DLGAP1: variants seen among roughly 807,000 people sequenced by gnomAD.
The protein encoded by DLGAP1 is disks large-associated protein 1.
In DLGAP1, 11 loss-of-function variants were observed where a neutral mutation model predicts 90.8. The ratio of observed to expected loss-of-function variants is 0.12; its 90% CI spans 0.08 to 0.20. The LOEUF (loss-of-function observed/expected upper bound fraction) is 0.20, where lower values mean the gene tolerates loss of function less well. DLGAP1 is among the 10% of genes least tolerant of loss of function. DLGAP1 has a pLI of 1.00. For missense variants in DLGAP1, 1,050 were observed against 1,333.8 expected (o/e 0.79, Z 3.31); for synonymous variants, 558 against 540.7 (o/e 1.03, Z -0.44).
intron 10 of DLGAP1, among the ~76,000 whole-genome samples, chr18:3,523,697 AT>A (rs1437726704): frequency 2.0e-5 from 3 of 152,182 alleles, no homozygotes; most frequent in East Asian, 1.9e-4. Context: ...AATACAAAAA[AT>A]TAGCCAGGCG....
chr18:4,058,530 C>CT (rs1281793472), intron 2 of DLGAP1, among the ~76,000 whole-genome samples: 2 of 152,142 alleles, frequency 1.3e-5, no homozygotes, highest in Non-Finnish European at 2.9e-5. Flanking sequence ...TGCCTACTTG[C>CT]TTTTTTTGAA....
chr18:4,143,756 A>G (rs1197257385), intron 2 of DLGAP1, among the ~76,000 whole-genome samples: 1 of 152,084 alleles, frequency 6.6e-6, no homozygotes, highest in East Asian at 1.9e-4. Context: ...TCTGAGTCAC[A>G]ACCAAGGCCC....
chr18:3,639,811 G>A (rs796835322), intron 7 of DLGAP1, among the ~76,000 whole-genome samples: 22 of 137,668 alleles, frequency 1.6e-4, no homozygotes, highest in African/African-American at 5.7e-4. Flanking sequence ...CTGGAGTGCA[G>A]TGGCGCGATC....
At chr18:4,276,343 A>G (rs982415037) in intron 1 of DLGAP1, among the ~76,000 whole-genome samples, 7 of 152,086 alleles carry the variant, frequency 4.6e-5, no homozygotes, top group Admixed American at 2.6e-4. Context: ...AGGTTAAAAT[A>G]AGTTAAACAA....
At chr18:4,056,051 A>T (rs1378579084) in intron 2 of DLGAP1, among the ~76,000 whole-genome samples, 2 of 152,176 alleles carry the variant, frequency 1.3e-5, no homozygotes, top group Non-Finnish European at 2.9e-5. Flanking sequence ...TCTTCCCTTT[A>T]AAGATAGATA....
intron 1 of DLGAP1, among the ~76,000 whole-genome samples, chr18:4,329,952 T>A (rs1004054125): frequency 6.6e-6 from 1 of 152,094 alleles, no homozygotes; most frequent in Admixed American, 6.5e-5. Context: ...ATTGGAAATA[T>A]TTTTTGCCTG....
intron 2 of DLGAP1, among the ~76,000 whole-genome samples, chr18:4,080,763 T>C (rs1233514092): frequency 6.6e-6 from 1 of 152,174 alleles, no homozygotes; most frequent in Non-Finnish European, 1.5e-5. Context: ...CTATAGGCTG[T>C]TTTTGCTCAT....
intron 7 of DLGAP1, among the ~76,000 whole-genome samples, chr18:3,664,218 C>CCCACA (rs1555620387): frequency 2.2e-4 from 17 of 75,774 alleles, no homozygotes; most frequent in African/African-American, 9.9e-4. Context: ...ACACACACAC[C>CCCACA]CACACACACA....
chr18:3,846,336 AG>A (rs1256705694), intron 4 of DLGAP1, among the ~76,000 whole-genome samples: 2 of 152,232 alleles, frequency 1.3e-5, no homozygotes, highest in Non-Finnish European at 2.9e-5. Flanking sequence ...AATTAATAAA[AG>A]CACAGGTGCA....
At chr18:4,364,371 C>T (rs2081708720) in intron 1 of DLGAP1, among the ~76,000 whole-genome samples, 1 of 151,244 alleles carries the variant, frequency 6.6e-6, no homozygotes, top group Admixed American at 6.6e-5. Flanking sequence ...CTAACCTGCA[C>T]ATTGTGCACA....
chr18:3,740,812 CACT>C (rs2062870356), intron 6 of DLGAP1, among the ~76,000 whole-genome samples: 1 of 150,504 alleles, frequency 6.6e-6, no homozygotes, highest in Admixed American at 6.7e-5. Flanking sequence ...CCACCGCCAC[CACT>C]GTCACCATTG....
At chr18:4,182,097 C>G (rs1019458131) in intron 1 of DLGAP1, among the ~76,000 whole-genome samples, 2 of 152,032 alleles carry the variant, frequency 1.3e-5, no homozygotes. Context: ...TGAAGCTAGC[C>G]GTGGAAAAAG....
chr18:3,749,041 G>A (rs896448653), intron 5 of DLGAP1, among the ~76,000 whole-genome samples: 2 of 151,832 alleles, frequency 1.3e-5, no homozygotes, highest in African/African-American at 2.4e-5. Context: ...ACATAGTGTT[G>A]AAGGTAATTC....
At chr18:3,645,203 T>A (rs988635262) in intron 7 of DLGAP1, among the ~76,000 whole-genome samples, 1 of 152,024 alleles carries the variant, frequency 6.6e-6, no homozygotes, top group African/African-American at 2.4e-5. Context: ...GGTGAGAGGA[T>A]CACCTGAGCC....
At chr18:4,145,487 TC>T (rs2076569897) in intron 2 of DLGAP1, among the ~76,000 whole-genome samples, 1 of 152,220 alleles carries the variant, frequency 6.6e-6, no homozygotes, top group South Asian at 2.1e-4. Flanking sequence ...ACTTTATTGA[TC>T]TACTCCTGTT....
intron 1 of DLGAP1, among the ~76,000 whole-genome samples, chr18:4,357,101 G>T (rs1443472546): frequency 6.6e-5 from 10 of 150,610 alleles, no homozygotes; most frequent in Non-Finnish European, 1.3e-4. Context: ...GTGTGTGTGT[G>T]TGTGTGTGTG....
intron 1 of DLGAP1, among the ~76,000 whole-genome samples, chr18:4,157,559 G>C (rs2076777566): frequency 6.6e-6 from 1 of 152,142 alleles, no homozygotes; most frequent in African/African-American, 2.4e-5. Flanking sequence ...AGCTTCAGAG[G>C]GAAGACCCCA....
At chr18:4,207,867 A>G (rs1521430) in intron 1 of DLGAP1, among the ~76,000 whole-genome samples, 22,670 of 151,950 alleles carry the variant, frequency 0.15, 4,624 homozygotes, top group African/African-American at 0.46. Context: ...TTCCCCTATT[A>G]AAAAATCATT....
chr18:3,909,017 T>C (rs1243158553), intron 3 of DLGAP1, among the ~76,000 whole-genome samples: 1 of 152,176 alleles, frequency 6.6e-6, no homozygotes. Flanking sequence ...AAACAAAGCA[T>C]ACTCTATAAA....
Sources: gnomAD v4.1 joint callset for allele counts (sites outside exome capture counted in the v4.1 genomes callset) on GRCh38, gnomAD v4.1.1 for gene constraint, MANE v1.5 for transcripts, NCBI Gene and HGNC (gene_info 2026-07-23, HGNC 2026-07-21) for gene names.